MLXIP: variants seen among roughly 807,000 people sequenced by gnomAD.
The protein encoded by MLXIP is MLX interacting protein.
A neutral mutation model predicts 87.2 loss-of-function variants in MLXIP; 30 were observed. That is an observed-to-expected ratio of 0.34 (90% CI 0.26 to 0.47). MLXIP has a LOEUF of 0.47. Ranked by LOEUF, MLXIP falls within the 20% of genes least tolerant of loss-of-function variation. The pLI is 1.00. For missense variants in MLXIP, 1,002 were observed against 1,240.1 expected (o/e 0.81, Z 2.88); for synonymous variants, 530 against 514.0 (o/e 1.03, Z -0.42).
rs1407580096 is a variant in MLXIP at position 122,133,828 on chromosome 12, C to T, written c.1573C>T (p.Leu525=). Residue 525 remains leucine, a synonymous_variant, in exon 9 of 17, where the codon CTG becomes TTG. Transcript: ENST00000319080. The surrounding 1 kb of genome is among the most constrained non-coding windows in gnomAD (Gnocchi z 4.9). The part of the protein sequence containing the change: ...APSAAPCGLA[L]SPVTRPPQPR... The stretch of plus-strand genomic sequence containing the variant: ...GTCAGCGGCCCCTTGTGGGCTGGCA[C>T]TGTCTCCTGTCACCCGGCCTCCCCA... 6.2e-7 allele frequency: 1 copy of T among 1,613,096 alleles called. No individual in the cohort carries two copies. The highest frequency in any genetic ancestry group is 8.5e-7 in the Non-Finnish European group (1 of 1,179,654).
rs1953258023 is a variant in MLXIP at position 122,144,114 on chromosome 12, T to G, written c.*2302T>G. 6.5e-6 allele frequency: 1 copy of G among 152,718 alleles called. No homozygotes were observed. Among genetic ancestry groups the G allele is most frequent in the African/African-American group, 2.4e-5 (1 of 41,468 alleles). The allele number at this position is 152,718 out of a possible 1,614,324, so 9.5% of individuals were successfully genotyped here. A position where few individuals can be genotyped will look rare whatever the true frequency, so the allele number is the denominator to read the frequency against. On this transcript the variant is annotated 3_prime_UTR_variant, in exon 17 of 17. Coordinates refer to ENST00000319080, the MANE Select transcript of MLXIP (RefSeq NM_014938.6). ...CCAGCCAGACCAAGGGGCCTAGATT[T>G]GACCTCTGTCCTGGGCTCCTGGGCC... is the stretch of plus-strand genomic sequence containing the variant.
At chr12:122,130,708 G>A (rs1952962789) in intron 6 of MLXIP, 136 bp from the exon 7 acceptor site, 3 of 658,314 alleles carry the variant, frequency 4.6e-6, no homozygotes, top group African/African-American at 1.8e-5. Flanking sequence ...ACCCTGAGAA[G>A]GTAGAAATCC....
intron 15 of MLXIP, 67 bp from the exon 16 acceptor site, chr12:122,140,887 A>T: frequency 3.1e-6 from 5 of 1,613,216 alleles, no homozygotes; most frequent in Non-Finnish European, 4.2e-6. Context: ...CGCCAGTCCA[A>T]CCACCTTCGG....
chr12:122,129,333 C>T (rs980377074), intron 4 of MLXIP, 107 bp downstream of exon 4: 6 of 1,060,134 alleles, frequency 5.7e-6, no homozygotes, highest in Admixed American at 4.1e-5. Context: ...CCCACCTGAA[C>T]GTGGAGCGTC....
At chr12:122,121,931 A>G (rs1318840953) in intron 1 of MLXIP, among the ~76,000 whole-genome samples, 1 of 152,210 alleles carries the variant, frequency 6.6e-6, no homozygotes, top group Non-Finnish European at 1.5e-5. Flanking sequence ...TTTAGCATTC[A>G]TTTAATAACT....
chr12:122,138,363 A>T, intron 13 of MLXIP, 61 bp from the exon 14 acceptor site: 1 of 1,611,950 alleles, frequency 6.2e-7, no homozygotes, highest in Non-Finnish European at 8.5e-7. Context: ...CTGCGTGGTC[A>T]TTGCTGGTGG....
At chr12:122,134,273 C>A (rs908281949) in intron 9 of MLXIP, 1 of 410,806 alleles carries the variant, frequency 2.4e-6, no homozygotes, top group Non-Finnish European at 4.3e-6. Context: ...CGGCTCACTG[C>A]AACCGCCCCC....
chr12:122,114,188 G>T (rs1952650616), intron 1 of MLXIP, among the ~76,000 whole-genome samples: 3 of 151,316 alleles, frequency 2.0e-5, no homozygotes, highest in Admixed American at 2.0e-4. Flanking sequence ...GTTTCATCAT[G>T]TTGGCCAGAC....
intron 15 of MLXIP, among the ~76,000 whole-genome samples, chr12:122,139,641 G>T (rs1029003115): frequency 1.3e-5 from 2 of 152,240 alleles, no homozygotes. Flanking sequence ...CGCAGCACCT[G>T]TGTGTGCTGG....
intron 1 of MLXIP, among the ~76,000 whole-genome samples, chr12:122,117,222 A>G (rs950032148): frequency 1.3e-5 from 2 of 152,216 alleles, no homozygotes; most frequent in African/African-American, 2.4e-5. Flanking sequence ...AATGTAAGAA[A>G]AAAGATGCCA....
At chr12:122,096,466 C>T (rs1271387687) in intron 1 of MLXIP, among the ~76,000 whole-genome samples, 2 of 152,166 alleles carry the variant, frequency 1.3e-5, no homozygotes, top group Non-Finnish European at 2.9e-5. Flanking sequence ...AGCCTTTACC[C>T]TGGGAAGCTT....
intron 1 of MLXIP, 31 bp from the exon 2 acceptor site, chr12:122,127,225 C>T: frequency 6.4e-7 from 1 of 1,552,288 alleles, no homozygotes; most frequent in Non-Finnish European, 8.9e-7. Flanking sequence ...AGAGTAACCA[C>T]TGAGTCTCCC....
chr12:122,105,632 C>T (rs552111045), intron 1 of MLXIP, among the ~76,000 whole-genome samples: 19 of 152,200 alleles, frequency 1.2e-4, no homozygotes, highest in Non-Finnish European at 2.2e-4. Context: ...CCACCGCGCT[C>T]GGCTGATTTT....
At chr12:122,120,004 G>A (rs972665266) in intron 1 of MLXIP, among the ~76,000 whole-genome samples, 8 of 152,194 alleles carry the variant, frequency 5.3e-5, no homozygotes, top group Non-Finnish European at 8.8e-5. Context: ...GAAGTAAAAC[G>A]GAGGAATCAC....
intron 6 of MLXIP, 111 bp downstream of exon 6, chr12:122,130,223 G>C (rs141974081): frequency 8.8e-7 from 1 of 1,132,268 alleles, no homozygotes. Flanking sequence ...TGCACGTCAC[G>C]GTTGGGGGCA....
intron 1 of MLXIP, among the ~76,000 whole-genome samples, chr12:122,087,044 T>C (rs1321103748): frequency 1.3e-5 from 2 of 152,188 alleles, no homozygotes; most frequent in African/African-American, 4.8e-5. Context: ...GACCTTGCTA[T>C]GAGCTTCCTG....
At chr12:122,122,701 C>G (rs1396754612) in intron 1 of MLXIP, among the ~76,000 whole-genome samples, 1 of 152,000 alleles carries the variant, frequency 6.6e-6, no homozygotes, top group Non-Finnish European at 1.5e-5. Context: ...GCCACCACGA[C>G]GCCTGGCTAA....
At chr12:122,100,447 C>T (rs1452958166) in intron 1 of MLXIP, among the ~76,000 whole-genome samples, 1 of 152,152 alleles carries the variant, frequency 6.6e-6, no homozygotes, top group Non-Finnish European at 1.5e-5. Context: ...AGAAATCTGT[C>T]TCAAATGCAT....
intron 1 of MLXIP, among the ~76,000 whole-genome samples, chr12:122,125,620 G>A (rs910027858): frequency 6.6e-6 from 1 of 152,196 alleles, no homozygotes; most frequent in African/African-American, 2.4e-5. Flanking sequence ...CTGTACCACC[G>A]GTGAGGCCAG....
Sources: allele counts gnomAD v4.1 joint callset (sites outside exome capture counted in the v4.1 genomes callset), GRCh38; gene constraint gnomAD v4.1.1; non-coding constraint Gnocchi (gnomAD v3.1); transcripts MANE v1.5; gene names NCBI Gene and HGNC (gene_info 2026-07-23, HGNC 2026-07-21).